ABCA2: variants seen among roughly 807,000 people sequenced by gnomAD.
ABCA2 encodes ATP binding cassette subfamily A member 2.
Under a neutral mutation model 262.8 loss-of-function variants are expected in ABCA2, and 84 were observed. That is an observed-to-expected ratio of 0.32 (90% CI 0.27 to 0.38). The LOEUF is 0.38. Ranked by LOEUF, ABCA2 falls within the 10% of genes least tolerant of loss-of-function variation. ABCA2 has a pLI of 1.00. For missense variants in ABCA2, 2,662 were observed against 3,405.9 expected (o/e 0.78, Z 5.44); for synonymous variants, 1,696 against 1,502.9 (o/e 1.13, Z -2.97).
At position 137,011,265 on chromosome 9, in the gene ABCA2, A is replaced by G; in HGVS notation, c.5844T>C (p.Ile1948=). 1 of 1,612,424 alleles carries G rather than the reference A, an allele frequency of 6.2e-7. No homozygotes were observed. Among genetic ancestry groups the G allele is most frequent in the Non-Finnish European group, 8.5e-7 (1 of 1,179,812 alleles). Residue 1948 remains isoleucine, a synonymous_variant, in exon 38 of 49, where the codon ATT becomes ATC. Transcript: ENST00000341511. The surrounding 1 kb of genome is among the most constrained non-coding windows in gnomAD (Gnocchi z 8.8). ...CGTGGCCCAGGTTGTAGTTGGGGAA[A>G]ATGAGGAAGCAGCTTTTCAGGTAAC... ...VNSYLKSCFL[I]FPNYNLGHGL...
At position 137,018,924 on chromosome 9, in the gene ABCA2, G is replaced by A; in HGVS notation, c.1701C>T (p.Gly567=). ...TCACCTTGGACATGAACTGGATCCA[G>A]CCGCAGGCCGCGTTGTCAATGGTAT... ...QLDTIDNAAC[G]WIQFMSKVSV... The change falls in exon 12 of 49, where the codon GGC becomes GGT. Residue 567 remains glycine, a synonymous_variant. Coordinates refer to ENST00000341511, the MANE Select transcript of ABCA2 (RefSeq NM_001606.5). 2 of 1,612,622 alleles carry A rather than the reference G, an allele frequency of 1.2e-6. No individual in the cohort carries two copies. The highest frequency in any genetic ancestry group is 1.7e-6 in the Non-Finnish European group (2 of 1,179,684).
chr9:137,011,229 C>G lies in ABCA2; in HGVS notation c.5880G>C (p.Glu1960Asp). The change falls in exon 38 of 49, where the codon GAG becomes GAC. Residue 1960 changes from glutamate (E) to aspartate (D), a missense_variant. Physicochemically the swap from Glu to Asp is conservative, Grantham distance 45. This residue lies in a region of ABCA2 where 602 missense variants were observed against 897.4 expected (regional missense o/e 0.67). Coordinates refer to ENST00000341511, the MANE Select transcript of ABCA2 (RefSeq NM_001606.5). This position sits in a 1 kb window ranked among gnomAD's most constrained non-coding sequence, Gnocchi z 8.8. ...PNYNLGHGLM[E>D]MAYNEYINEY... The stretch of plus-strand genomic sequence containing the variant: ...CGTTGATGTACTCGTTGTAGGCCAT[C>G]TCCATGAGCCCGTGGCCCAGGTTGT... 4 of 1,612,620 alleles carry G rather than the reference C, an allele frequency of 2.5e-6. No homozygotes were observed. Among genetic ancestry groups the G allele is most frequent in the Non-Finnish European group, 3.4e-6 (4 of 1,179,896 alleles).
chr9:137,013,471 G>A lies in ABCA2; in HGVS notation c.4540C>T (p.Arg1514Cys), dbSNP rs1347399058. 3.1e-5 allele frequency: 49 copies of A among 1,606,032 alleles called. No individual in the cohort carries two copies. The highest frequency in any genetic ancestry group is 6.7e-5 in the East Asian group (3 of 44,634). The change falls in exon 29 of 49, where the codon CGC becomes TGC. Residue 1514 changes from arginine to cysteine, a missense_variant. Arg to Cys is a radical substitution (Grantham distance 180). Transcript: ENST00000341511. ...CGCTGGAGGCCTCACCGGTACTCGCGGCGCTCCTCGTTGGCGTAGGGGATG... is the reference window on the plus strand; with the variant it reads ...CGCTGGAGGCCTCACCGGTACTCGCAGCGCTCCTCGTTGGCGTAGGGGATG... ...NFIPYANEER[R>C]EYRLRLSPDA...
In ABCA2 at chr9:137,007,962, G is replaced by C. The variant is rs765533596; in HGVS notation, c.7278C>G (p.Ala2426=). The change falls in exon 49 of 49, where the codon GCC becomes GCG. Residue 2426 remains alanine, a splice_region_variant and synonymous_variant. Transcript: ENST00000341511. ...GCGTGTCCGTGTTGAAGGACAGCTGGGCCTGTGCACAGGGGAGGTCAGGCT... is the reference window on the plus strand; with the variant it reads ...GCGTGTCCGTGTTGAAGGACAGCTGCGCCTGTGCACAGGGGAGGTCAGGCT... The part of the protein sequence containing the change: ...EGLISFEEER[A]QLSFNTDTLC 1.1e-5 allele frequency: 17 copies of C among 1,604,794 alleles called. No individual in the cohort carries two copies. Among genetic ancestry groups the C allele is most frequent in the Non-Finnish European group, 1.4e-5 (17 of 1,179,692 alleles).
chr9:137,022,236 G>C, intron 6 of ABCA2, 115 bp downstream of exon 6: 1 of 1,412,296 alleles, frequency 7.1e-7, no homozygotes, highest in Non-Finnish European at 9.4e-7. Context: ...GTGGGGGCAA[G>C]GTTCAGACGG....
chr9:137,009,417 C>G lies in ABCA2; in HGVS notation c.6780G>C (p.Val2260=), dbSNP rs1432199704. The G allele has an allele frequency of 1.9e-6, 3 of 1,591,422 alleles. No individual in the cohort carries two copies. The African/African-American group carries it at 4.1e-5, about 22-fold the overall frequency. The part of the protein sequence containing the change: ...EALCTRLAIM[V]NGRLRCLGSI... ...TGCCCAGGCACCGCAGGCGACCGTT[C>G]ACCATGATGGCCAGCCGCGTGCACA... The change falls in exon 45 of 49, where the codon GTG becomes GTC. Residue 2260 remains valine, a synonymous_variant. Transcript: ENST00000341511.
chr9:137,028,803 G>A, upstream of ABCA2: 2 of 1,303,582 alleles, frequency 1.5e-6, no homozygotes, highest in East Asian at 5.7e-5. This position sits in a 1 kb window ranked among gnomAD's most constrained non-coding sequence, Gnocchi z 6.9. Context: ...CCCCAGGAAC[G>A]CTCGCCGTGA....
At chr9:137,018,643 CA>C (rs1831347267) in intron 13 of ABCA2, 75 bp downstream of exon 13, 2 of 1,034,886 alleles carry the variant, frequency 1.9e-6, no homozygotes, top group Non-Finnish European at 1.3e-6. Context: ...TGGGAGGGCA[CA>C]GGGGGACGGG....
intron 26 of ABCA2, 53 bp from the exon 27 acceptor site, chr9:137,014,457 T>C (rs1831182569): frequency 2.6e-6 from 4 of 1,522,112 alleles, no homozygotes; most frequent in Non-Finnish European, 3.5e-6. Context: ...CCCCTAGGCC[T>C]GCCCAGGACC....
intron 45 of ABCA2, 64 bp downstream of exon 45, chr9:137,009,306 C>A (rs1251979254): frequency 7.1e-5 from 101 of 1,417,956 alleles, no homozygotes; most frequent in Non-Finnish European, 8.7e-5. Flanking sequence ...CCACTCCTGG[C>A]CCCGCTGCCT....
intron 13 of ABCA2, 121 bp downstream of exon 13, chr9:137,018,597 CG>C: frequency 1.9e-6 from 1 of 530,140 alleles, no homozygotes; most frequent in Non-Finnish European, 3.0e-6. Flanking sequence ...GGGGAAGTGG[CG>C]GGTGAGGGGG....
intron 1 of ABCA2, among the ~76,000 whole-genome samples, chr9:137,025,928 G>T (rs575070268): frequency 1.3e-5 from 2 of 152,200 alleles, no homozygotes; most frequent in Non-Finnish European, 2.9e-5. Context: ...CCCCACACAG[G>T]TGCCTCCAGG....
Position 137,010,019 on chromosome 9 carries a change from C to A in ABCA2, c.6459G>T (p.Thr2153=), listed in dbSNP as rs771191807. The A allele has an allele frequency of 6.3e-7, 1 of 1,599,702 alleles. No individual in the cohort carries two copies. Among genetic ancestry groups the A allele is most frequent in the Non-Finnish European group, 8.5e-7 (1 of 1,174,950 alleles). ...LTAREHLQLY[T]RLRGISWKDE... is the part of the protein sequence containing the mutation. ...CCTTCCAGGAGATCCCACGCAGCCG[C>A]GTGTACAGCTGCAGGTGCTCCCGGG... The change falls in exon 42 of 49, where the codon ACG becomes ACT. Residue 2153 remains threonine, a synonymous_variant. Transcript: ENST00000341511.
chr9:137,027,083 G>C (rs1486903772), intron 1 of ABCA2, among the ~76,000 whole-genome samples: 1 of 152,234 alleles, frequency 6.6e-6, no homozygotes. Flanking sequence ...GGTCCCGCCC[G>C]GGCCCTGGCT....
chr9:137,012,403 G>T (rs753796567), intron 32 of ABCA2, 27 bp from the exon 33 acceptor site: 1 of 1,609,146 alleles, frequency 6.2e-7, no homozygotes, highest in Non-Finnish European at 8.5e-7. Flanking sequence ...ACACAGAAAG[G>T]CCCCAGGACC....
rs557636781 is a variant in ABCA2 at position 137,024,342 on chromosome 9, T to C, written c.67-106A>G. On this transcript the variant is annotated intron_variant, in intron 1 of 48. Coordinates refer to ENST00000341511, the MANE Select transcript of ABCA2 (RefSeq NM_001606.5). ...AGCCCAGACAGGACCACGTGCTCCC[T>C]GGGGCCAGGGAAGGTGGGCACAGGC... is the stretch of plus-strand genomic sequence containing the variant. The C allele has an allele frequency of 1.7e-5, 16 of 962,572 alleles. No individual in the cohort carries two copies. In the African/African-American group the frequency reaches 2.5e-4, roughly 15 times the overall value. 59.6% of individuals were successfully genotyped at this position (962,572 alleles called of 1,614,324 possible).
rs201942449 is a variant in ABCA2 at position 137,022,448 on chromosome 9, C to G, written c.470G>C (p.Arg157Thr). ...VSSFSLDSVARNPQELWRFLT... is the reference protein window; with the variant it reads ...VSSFSLDSVATNPQELWRFLT... The stretch of plus-strand genomic sequence containing the variant: ...GAAACGCCAGAGCTCCTGCGGGTTT[C>G]TGGCCACCGAGTCCAGAGAGAAGGA... Residue 157 changes from arginine to threonine, a missense_variant, in exon 6 of 49, where the codon AGA becomes ACA. Arg to Thr is a moderately conservative substitution (Grantham distance 71). This residue lies in a region of ABCA2 where 403 missense variants were observed against 375.9 expected (regional missense o/e 1.07). Coordinates refer to ENST00000341511, the MANE Select transcript of ABCA2 (RefSeq NM_001606.5). 248 of 1,612,016 alleles carry G rather than the reference C, an allele frequency of 1.5e-4. 3 individuals carry two copies. In the Middle Eastern group the frequency reaches 2.8e-3, roughly 18 times the overall value.
chr9:137,017,189 C>A lies in ABCA2; in HGVS notation c.2553+7G>T. On this transcript the variant is annotated splice_region_variant and intron_variant, in intron 18 of 48. Transcript: ENST00000341511. ...ACCCCAGCCGCCCGCCTGCCCGCGACCCTCACCGCGATGCACTTCTCGAAG... is the reference window on the plus strand; with the variant it reads ...ACCCCAGCCGCCCGCCTGCCCGCGAACCTCACCGCGATGCACTTCTCGAAG... The A allele has an allele frequency of 6.2e-7, 1 of 1,612,240 alleles. No homozygotes were observed. The highest frequency in any genetic ancestry group is 2.2e-5 in the East Asian group (1 of 44,864).
At chr9:137,022,919 C>A in intron 4 of ABCA2, 22 bp downstream of exon 4, 1 of 675,024 alleles carries the variant, frequency 1.5e-6, no homozygotes, top group East Asian at 6.4e-5. Context: ...GTGGGTGCTC[C>A]GAGGGGCGGG....
Sources: allele counts gnomAD v4.1 joint callset (sites outside exome capture counted in the v4.1 genomes callset), GRCh38; gene constraint gnomAD v4.1.1; regional missense constraint gnomAD v4.1.1; non-coding constraint Gnocchi (gnomAD v3.1); transcripts MANE v1.5; gene names NCBI Gene and HGNC (gene_info 2026-07-23, HGNC 2026-07-21).